Variants in CNTN5 observed in about 807,000 individuals in gnomAD.
The protein encoded by CNTN5 is contactin-5.
A neutral mutation model predicts 129.1 loss-of-function variants in CNTN5; 77 were observed. The observed-to-expected ratio is 0.60, with a 90% CI of 0.50 to 0.72. The LOEUF (loss-of-function observed/expected upper bound fraction) is 0.72, where lower values mean the gene tolerates loss of function less well. CNTN5 is among the 30% of genes least tolerant of loss of function. The probability of loss-of-function intolerance (pLI) is 0.00; values close to 1 mark genes in which losing one functional copy is unlikely to be tolerated. For missense variants in CNTN5, 1,478 were observed against 1,328.8 expected (o/e 1.11, Z -1.75); for synonymous variants, 509 against 465.6 (o/e 1.09, Z -1.20).
intron 6 of CNTN5, among the ~76,000 whole-genome samples, chr11:99,886,790 C>T (rs1378484765): frequency 6.6e-6 from 1 of 152,100 alleles, no homozygotes; most frequent in African/African-American, 2.4e-5. Flanking sequence ...CATGAAGAAC[C>T]CTTAAACATA....
At chr11:99,424,575 G>T (rs1943037270) in intron 2 of CNTN5, among the ~76,000 whole-genome samples, 1 of 152,262 alleles carries the variant, frequency 6.6e-6, no homozygotes, top group Non-Finnish European at 1.5e-5. Flanking sequence ...TGAGGCTGCA[G>T]CTGGGCCAGA....
chr11:100,273,519 C>T (rs1252248932), intron 18 of CNTN5, among the ~76,000 whole-genome samples: 4 of 152,278 alleles, frequency 2.6e-5, no homozygotes, highest in Non-Finnish European at 5.9e-5. Flanking sequence ...CAGATGACAG[C>T]GGATCCTCCC....
At chr11:100,114,113 C>T (rs1171262833) in intron 13 of CNTN5, among the ~76,000 whole-genome samples, 2 of 152,060 alleles carry the variant, frequency 1.3e-5, no homozygotes, top group Non-Finnish European at 2.9e-5. Flanking sequence ...GGCGTGCATC[C>T]AAGATTTGAT....
At chr11:99,915,995 C>G (rs1949779349) in intron 6 of CNTN5, 59 bp from the exon 7 acceptor site, 2 of 1,306,874 alleles carry the variant, frequency 1.5e-6, no homozygotes, top group Admixed American at 1.9e-5. Flanking sequence ...AAGTTACAAT[C>G]ATAGCAATTC....
chr11:100,177,491 G>A (rs1232028873), intron 13 of CNTN5, among the ~76,000 whole-genome samples: 1 of 152,136 alleles, frequency 6.6e-6, no homozygotes, highest in African/African-American at 2.4e-5. Flanking sequence ...ACTACTCAAT[G>A]TGTAGTTTCT....
At chr11:99,674,583 G>A (rs1953190647) in intron 3 of CNTN5, among the ~76,000 whole-genome samples, 1 of 152,110 alleles carries the variant, frequency 6.6e-6, no homozygotes, top group Non-Finnish European at 1.5e-5. Context: ...CTTTGTGAAA[G>A]CTGCAAATAC....
At chr11:100,309,467 G>T (rs1391657715) in intron 21 of CNTN5, 1 of 969,108 alleles carries the variant, frequency 1.0e-6, no homozygotes, top group Non-Finnish European at 1.2e-6. Flanking sequence ...CAATTTATGG[G>T]AAACCATTAC....
chr11:99,702,755 T>C (rs961652202), intron 3 of CNTN5, among the ~76,000 whole-genome samples: 8 of 151,092 alleles, frequency 5.3e-5, no homozygotes, highest in African/African-American at 1.7e-4. Context: ...TTTGAGTTAA[T>C]TCAGGAATCC....
chr11:99,632,059 C>T (rs1310428515), intron 3 of CNTN5, among the ~76,000 whole-genome samples: 1 of 152,064 alleles, frequency 6.6e-6, no homozygotes, highest in Non-Finnish European at 1.5e-5. Context: ...AGGTTTGGTG[C>T]ATCCATGGTT....
At chr11:99,392,962 T>C (rs1198786220) in intron 2 of CNTN5, among the ~76,000 whole-genome samples, 1 of 151,790 alleles carries the variant, frequency 6.6e-6, no homozygotes, top group African/African-American at 2.4e-5. Flanking sequence ...GAATAGCATG[T>C]GGAAATAATG....
chr11:100,339,759 G>A (rs1325827194), intron 21 of CNTN5, among the ~76,000 whole-genome samples: 1 of 152,144 alleles, frequency 6.6e-6, no homozygotes, highest in Non-Finnish European at 1.5e-5. Context: ...AAGTTCTAGT[G>A]CCTAAACAGA....
At chr11:99,458,909 T>TAA (rs1944589775) in intron 2 of CNTN5, among the ~76,000 whole-genome samples, 1 of 152,010 alleles carries the variant, frequency 6.6e-6, no homozygotes, top group African/African-American at 2.4e-5. Context: ...CAAGAAGTTT[T>TAA]GTGCCATCTG....
chr11:99,330,300 A>AAG (rs1865949618), intron 2 of CNTN5, among the ~76,000 whole-genome samples: 1 of 150,976 alleles, frequency 6.6e-6, no homozygotes, highest in South Asian at 2.1e-4. Context: ...GAGAGAGGGA[A>AAG]AGGAAGGGAA....
chr11:99,595,418 A>G (rs1166089804), intron 3 of CNTN5, among the ~76,000 whole-genome samples: 1 of 152,186 alleles, frequency 6.6e-6, no homozygotes, highest in Admixed American at 6.5e-5. Context: ...TTCCTTACCC[A>G]TAACTCAGTC....
chr11:99,861,323 T>G (rs956556996), intron 6 of CNTN5, among the ~76,000 whole-genome samples: 1 of 152,166 alleles, frequency 6.6e-6, no homozygotes, highest in African/African-American at 2.4e-5. Context: ...TGGAGAGATC[T>G]TTCACCTTCT....
chr11:99,500,282 T>A (rs928937512), intron 2 of CNTN5, among the ~76,000 whole-genome samples: 1 of 152,224 alleles, frequency 6.6e-6, no homozygotes, highest in Non-Finnish European at 1.5e-5. Flanking sequence ...TCAAAGCATT[T>A]GAACAAATGG....
chr11:99,118,627 G>T (rs534681371), intron 1 of CNTN5, among the ~76,000 whole-genome samples: 6 of 151,828 alleles, frequency 4.0e-5, no homozygotes, highest in African/African-American at 1.2e-4. Context: ...AACAATTAAC[G>T]AAAACAAGAA....
chr11:99,267,725 C>G (rs973181013), intron 1 of CNTN5, among the ~76,000 whole-genome samples: 1 of 151,952 alleles, frequency 6.6e-6, no homozygotes, highest in Non-Finnish European at 1.5e-5. Flanking sequence ...GAATAAGCAT[C>G]CATTTCATTG....
intron 2 of CNTN5, among the ~76,000 whole-genome samples, chr11:99,553,133 C>T (rs992094080): frequency 6.6e-6 from 1 of 152,078 alleles, no homozygotes; most frequent in Admixed American, 6.6e-5. Context: ...ATACATTATT[C>T]TTTGAATGTA....
Sources: allele counts gnomAD v4.1 joint callset (sites outside exome capture counted in the v4.1 genomes callset), GRCh38; gene constraint gnomAD v4.1.1; transcripts MANE v1.5; gene names NCBI Gene and HGNC (gene_info 2026-07-23, HGNC 2026-07-21).